HS3ST4: variants seen among roughly 807,000 people sequenced by gnomAD.
HS3ST4 encodes the protein heparan sulfate-glucosamine 3-sulfotransferase 4.
A neutral mutation model predicts 29.2 loss-of-function variants in HS3ST4; 17 were observed. That is an observed-to-expected ratio of 0.58 (90% CI 0.40 to 0.87). The LOEUF (loss-of-function observed/expected upper bound fraction) is 0.87, where lower values mean the gene tolerates loss of function less well. Among genes scored for constraint, HS3ST4 ranks in the 40% least tolerant of loss-of-function variants. The pLI, the probability that HS3ST4 is intolerant of heterozygous loss-of-function variation, is 0.00. For synonymous variants in HS3ST4, 314 were observed against 285.7 expected (o/e 1.10, Z -1.00); for missense variants, 627 against 634.5 (o/e 0.99, Z 0.13).
At chr16:26,072,639 ACAAT>A (rs1898615304) in intron 1 of HS3ST4, among the ~76,000 whole-genome samples, 2 of 152,154 alleles carry the variant, frequency 1.3e-5, no homozygotes, top group Non-Finnish European at 2.9e-5. Flanking sequence ...CTTTAGATGG[ACAAT>A]CAGTTTTTAT....
At chr16:25,939,600 A>G (rs1040851214) in intron 1 of HS3ST4, among the ~76,000 whole-genome samples, 1 of 151,970 alleles carries the variant, frequency 6.6e-6, no homozygotes, top group African/African-American at 2.4e-5. Context: ...CAGTCTCCCA[A>G]AGTGTTGGGA....
rs372300521 is a variant in HS3ST4 at position 25,906,552 on chromosome 16, A to G, written c.734+213401A>G. Among the ~76,000 whole-genome samples, 8 of 152,344 alleles carry G rather than the reference A, an allele frequency of 5.3e-5. No individual in the cohort carries two copies. In the South Asian group the frequency reaches 1.7e-3, roughly 32 times the overall value. ...TATATTCCACTGAGGGAAGAAAGTC[A>G]ATAAAACAGGTAAGCAGATAAATAT... On this transcript the variant is annotated intron_variant, in intron 1 of 1. Transcript: ENST00000331351.
chr16:25,871,028 G>A (rs548202108), intron 1 of HS3ST4, among the ~76,000 whole-genome samples: 2 of 152,176 alleles, frequency 1.3e-5, no homozygotes, highest in Non-Finnish European at 2.9e-5. Flanking sequence ...CAAATCACAT[G>A]GGTAGAATAC....
chr16:25,947,952 G>T (rs1968646035), intron 1 of HS3ST4, among the ~76,000 whole-genome samples: 2 of 152,158 alleles, frequency 1.3e-5, no homozygotes, highest in African/African-American at 4.8e-5. Context: ...CCTCCATCGG[G>T]AGGATCAACT....
At chr16:26,075,082 A>G (rs1452372779) in intron 1 of HS3ST4, among the ~76,000 whole-genome samples, 1 of 152,186 alleles carries the variant, frequency 6.6e-6, no homozygotes, top group Non-Finnish European at 1.5e-5. Context: ...AGTCCCAGCT[A>G]CGCAGGAGGC....
At chr16:25,914,620 G>T (rs62036325) in intron 1 of HS3ST4, among the ~76,000 whole-genome samples, 2 of 149,968 alleles carry the variant, frequency 1.3e-5, no homozygotes, top group African/African-American at 2.5e-5. Flanking sequence ...GGTGTGTGGG[G>T]TGTGTGTGGT....
At chr16:25,736,008 A>G (rs1966606746) in intron 1 of HS3ST4, among the ~76,000 whole-genome samples, 1 of 152,196 alleles carries the variant, frequency 6.6e-6, no homozygotes, top group African/African-American at 2.4e-5. Context: ...TTATCTTGTA[A>G]CAGTTGTAAT....
intron 1 of HS3ST4, among the ~76,000 whole-genome samples, chr16:26,097,651 A>G (rs1171008420): frequency 6.6e-6 from 1 of 152,240 alleles, no homozygotes; most frequent in Non-Finnish European, 1.5e-5. Context: ...CCTAGGCAAT[A>G]CCATTCAGGA....
intron 1 of HS3ST4, among the ~76,000 whole-genome samples, chr16:25,741,653 G>A (rs529844399): frequency 6.6e-6 from 1 of 152,050 alleles, no homozygotes; most frequent in African/African-American, 2.4e-5. Context: ...TAACATACCC[G>A]GCCCTGTGCT....
At chr16:26,061,681 A>C (rs1898478038) in intron 1 of HS3ST4, among the ~76,000 whole-genome samples, 1 of 152,186 alleles carries the variant, frequency 6.6e-6, no homozygotes, top group African/African-American at 2.4e-5. Flanking sequence ...AAGTTATTCT[A>C]TCTCTAAGTG....
chr16:26,025,854 T>C (rs1451724790), intron 1 of HS3ST4, among the ~76,000 whole-genome samples: 2 of 152,208 alleles, frequency 1.3e-5, no homozygotes, highest in Non-Finnish European at 2.9e-5. Flanking sequence ...TGGCTCACTG[T>C]AACCTCTGCC....
intron 1 of HS3ST4, among the ~76,000 whole-genome samples, chr16:25,740,532 G>A (rs1026968187): frequency 6.6e-6 from 1 of 152,194 alleles, no homozygotes; most frequent in African/African-American, 2.4e-5. Context: ...TAGAAGGACA[G>A]CAATGAATAA....
At chr16:26,070,058 T>G (rs1481116742) in intron 1 of HS3ST4, among the ~76,000 whole-genome samples, 1 of 152,174 alleles carries the variant, frequency 6.6e-6, no homozygotes, top group Non-Finnish European at 1.5e-5. Flanking sequence ...TTATATTCCT[T>G]TGGGTATATA....
intron 1 of HS3ST4, among the ~76,000 whole-genome samples, chr16:25,811,464 G>A (rs138520462): frequency 0.066 from 7,596 of 114,430 alleles, 342 homozygotes; most frequent in African/African-American, 0.13. Context: ...ATGGAGTTTC[G>A]CTCTTGTTGC....
rs750023250 is a variant in HS3ST4, at chr16:25,692,805, A to C, written c.388A>C (p.Ser130Arg). 3 of 1,381,400 alleles carry C rather than the reference A, an allele frequency of 2.2e-6. No homozygotes were observed. Among genetic ancestry groups the C allele is most frequent in the South Asian group, 3.4e-5 (2 of 59,454 alleles). The allele number at this position is 1,381,400 out of a possible 1,614,324, so 85.6% of individuals were successfully genotyped here. A position where few individuals can be genotyped will look rare whatever the true frequency, so the allele number is the denominator to read the frequency against. The change falls in exon 1 of 2, where the codon AGC (serine) becomes CGC (arginine). Residue 130 changes from serine (S) to arginine (R), a missense_variant. Ser to Arg is a moderately radical substitution (Grantham distance 110). Coordinates refer to ENST00000331351, the MANE Select transcript of HS3ST4 (RefSeq NM_006040.3). ...APGTDGWGLPSGGGGAQDAWL... is the reference protein window; with the variant it reads ...APGTDGWGLPRGGGGAQDAWL... ...CGGGACCGACGGCTGGGGGCTGCCG[A>C]GCGGCGGCGGAGGCGCCCAGGACGC...
At chr16:25,779,131 G>A (rs2141614479) in intron 1 of HS3ST4, among the ~76,000 whole-genome samples, 1 of 152,246 alleles carries the variant, frequency 6.6e-6, no homozygotes, top group Middle Eastern at 3.4e-3. Context: ...GTTGGCCTAG[G>A]CTAAACATAT....
At chr16:25,697,967 G>A (rs969434520) in intron 1 of HS3ST4, among the ~76,000 whole-genome samples, 7 of 152,026 alleles carry the variant, frequency 4.6e-5, no homozygotes, top group East Asian at 1.9e-4. Context: ...CACCGTGCCC[G>A]GCCCAGGAGT....
intron 1 of HS3ST4, among the ~76,000 whole-genome samples, chr16:26,064,603 T>C (rs1035963033): frequency 1.3e-5 from 2 of 148,638 alleles, no homozygotes; most frequent in African/African-American, 5.0e-5. Flanking sequence ...GCAGCTAGGA[T>C]TGTAGTCTTT....
At chr16:25,732,296 G>A (rs1596555483) in intron 1 of HS3ST4, among the ~76,000 whole-genome samples, 1 of 152,186 alleles carries the variant, frequency 6.6e-6, no homozygotes, top group Admixed American at 6.5e-5. Context: ...CTTTTTGGCG[G>A]CAGTTTAGAC....
Sources: gnomAD v4.1 joint callset for allele counts (sites outside exome capture counted in the v4.1 genomes callset) on GRCh38, gnomAD v4.1.1 for gene constraint, MANE v1.5 for transcripts, NCBI Gene and HGNC (gene_info 2026-07-23, HGNC 2026-07-21) for gene names.